Variants in FANCC observed in about 807,000 individuals in gnomAD.
The protein encoded by FANCC is FA complementation group C.
In FANCC, 55 loss-of-function variants were observed where a neutral mutation model predicts 71.3. The observed-to-expected ratio is 0.77, with a 90% confidence interval of 0.62 to 0.97. The LOEUF is 0.97. Ranked by LOEUF, FANCC falls within the 50% of genes least tolerant of loss-of-function variation. FANCC has a pLI of 0.00. For synonymous variants in FANCC, 275 were observed against 244.9 expected, an observed-to-expected ratio of 1.12 and a Z score of -1.15; for missense variants, 678 against 670.9, an observed-to-expected ratio of 1.01 and a Z score of -0.12.
intron 4 of FANCC, among the ~76,000 whole-genome samples, chr9:95,179,345 G>C (rs1300247995): frequency 1.3e-5 from 2 of 152,228 alleles, no homozygotes; most frequent in East Asian, 3.9e-4. Context: ...AATATTTCCA[G>C]GTGATTCATA....
At chr9:95,227,320 C>T (rs1350264217) in intron 4 of FANCC, among the ~76,000 whole-genome samples, 4 of 152,172 alleles carry the variant, frequency 2.6e-5, no homozygotes, top group Admixed American at 2.6e-4. Flanking sequence ...AGGCTCAGTC[C>T]CAGCCAGGTA....
chr9:95,125,977 C>A (rs575946209), intron 9 of FANCC, among the ~76,000 whole-genome samples: 2 of 152,342 alleles, frequency 1.3e-5, no homozygotes, highest in Admixed American at 6.5e-5. Context: ...ATCTCAGCTT[C>A]ATGGCTGTGA....
In FANCC at chr9:95,195,227, T is replaced by G. The variant is rs531453170; in HGVS notation, c.346-23080A>C. ...AAAAAAAAAAAAAAAAAAAACCAAC[T>G]ATGCCTAGTTCCAGAGCCTTTTTTT... On this transcript the variant is annotated intron_variant, in intron 4 of 14. Coordinates refer to ENST00000289081, the MANE Select transcript of FANCC (RefSeq NM_000136.3). 8.2e-5 allele frequency among the ~76,000 whole-genome samples: 11 copies of G among 133,496 alleles called. No homozygotes were observed. The East Asian group carries it at 2.6e-3, about 32-fold the overall frequency. 87.6% of individuals were successfully genotyped at this position (133,496 alleles called of 152,430 possible).
intron 7 of FANCC, among the ~76,000 whole-genome samples, chr9:95,147,177 T>C (rs1439114486): frequency 6.6e-6 from 1 of 152,160 alleles, no homozygotes; most frequent in Non-Finnish European, 1.5e-5. Flanking sequence ...GCTTTAAAAA[T>C]GAGGATTAAA....
chr9:95,252,624 T>C (rs1831418760), intron 1 of FANCC, among the ~76,000 whole-genome samples: 1 of 151,164 alleles, frequency 6.6e-6, no homozygotes, highest in East Asian at 2.0e-4. Flanking sequence ...TGGGCGCCTA[T>C]AGTCCCAGCT....
chr9:95,302,960 T>C (rs560317552), intron 1 of FANCC, among the ~76,000 whole-genome samples: 16 of 152,328 alleles, frequency 1.1e-4, no homozygotes, highest in African/African-American at 3.8e-4. Flanking sequence ...ACCTTGAAGA[T>C]GTCCACTACA....
chr9:95,237,700 T>C (rs1279218827), intron 4 of FANCC, among the ~76,000 whole-genome samples: 1 of 152,234 alleles, frequency 6.6e-6, no homozygotes, highest in Non-Finnish European at 1.5e-5. Flanking sequence ...ATCTACTTTT[T>C]CAACCCTACA....
intron 10 of FANCC, among the ~76,000 whole-genome samples, chr9:95,120,714 C>T (rs993339351): frequency 1.2e-4 from 19 of 152,162 alleles, no homozygotes; most frequent in South Asian, 2.1e-4. Context: ...AGGCATGAGC[C>T]GCCGTGCCCA....
intron 4 of FANCC, among the ~76,000 whole-genome samples, chr9:95,192,310 C>G (rs4647474): frequency 0.023 from 3,490 of 152,244 alleles, 144 homozygotes; most frequent in African/African-American, 0.08. Flanking sequence ...ATTTGAGAGA[C>G]AAGCAAGTCT....
intron 6 of FANCC, among the ~76,000 whole-genome samples, chr9:95,151,630 C>T (rs1395169109): frequency 6.6e-6 from 1 of 152,124 alleles, no homozygotes; most frequent in Non-Finnish European, 1.5e-5. Context: ...TATTTGCATA[C>T]TGAATTGCCT....
chr9:95,262,896 G>T (rs908902083), intron 1 of FANCC, among the ~76,000 whole-genome samples: 2 of 152,164 alleles, frequency 1.3e-5, no homozygotes, highest in African/African-American at 2.4e-5. Context: ...CACAGATGAG[G>T]TACCTACAAT....
At chr9:95,301,205 C>CAA (rs750636424) in intron 1 of FANCC, among the ~76,000 whole-genome samples, 2 of 151,288 alleles carry the variant, frequency 1.3e-5, no homozygotes, top group Non-Finnish European at 2.9e-5. Flanking sequence ...CACACACACA[C>CAA]AAAATTGTTA....
At chr9:95,187,613 T>C (rs1302997071) in intron 4 of FANCC, among the ~76,000 whole-genome samples, 1 of 152,036 alleles carries the variant, frequency 6.6e-6, no homozygotes, top group Non-Finnish European at 1.5e-5. Context: ...AATCTGTTCT[T>C]CCAACAGGAC....
intron 1 of FANCC, among the ~76,000 whole-genome samples, chr9:95,280,689 T>C (rs1267894285): frequency 2.0e-5 from 3 of 152,112 alleles, no homozygotes; most frequent in African/African-American, 7.2e-5. Context: ...AGGAAAAACA[T>C]GCTTTGGGAC....
In FANCC at chr9:95,207,567, C is replaced by T. The variant is rs566520410; in HGVS notation, c.345+33082G>A. ...ACCAACTTTGAACTGTGCTGGCCTC[C>T]AGGAGATGCAACATTGCCCATCTCC... On this transcript the variant is annotated intron_variant, in intron 4 of 14. Coordinates refer to ENST00000289081, the MANE Select transcript of FANCC (RefSeq NM_000136.3). Among the ~76,000 whole-genome samples the T allele has an allele frequency of 1.2e-4, 19 of 152,260 alleles. No individual in the cohort carries two copies. The South Asian group carries it at 3.7e-3, about 30-fold the overall frequency.
intron 4 of FANCC, among the ~76,000 whole-genome samples, chr9:95,237,145 G>A (rs1830364432): frequency 6.6e-6 from 1 of 152,128 alleles, no homozygotes; most frequent in Non-Finnish European, 1.5e-5. Flanking sequence ...TCTTTTTATC[G>A]GTTCATGTTA....
In FANCC at chr9:95,149,914, G is replaced by A; in HGVS notation, c.686+9C>T. ...CGACGCAGGATGACAGGAAACATTTGCCACTTACAGCAAAATGGCCTCGTT... is the reference window on the plus strand; with the variant it reads ...CGACGCAGGATGACAGGAAACATTTACCACTTACAGCAAAATGGCCTCGTT... On this transcript the variant is annotated intron_variant, in intron 7 of 14. Transcript: ENST00000289081. The A allele has an allele frequency of 6.3e-7, 1 of 1,590,780 alleles. No individual in the cohort carries two copies. The highest frequency in any genetic ancestry group is 8.6e-7 in the Non-Finnish European group (1 of 1,168,258).
intron 1 of FANCC, among the ~76,000 whole-genome samples, chr9:95,283,323 G>A (rs1447714950): frequency 6.6e-6 from 1 of 152,224 alleles, no homozygotes; most frequent in African/African-American, 2.4e-5. Flanking sequence ...TGAGACAGGT[G>A]CCAGTGACAG....
At chr9:95,285,946 C>A (rs1490162303) in intron 1 of FANCC, among the ~76,000 whole-genome samples, 2 of 152,136 alleles carry the variant, frequency 1.3e-5, no homozygotes, top group African/African-American at 4.8e-5. Context: ...ATATCTCCAA[C>A]AATAAGCAAT....
Sources: gnomAD v4.1 joint callset for allele counts (sites outside exome capture counted in the v4.1 genomes callset) on GRCh38, gnomAD v4.1.1 for gene constraint, MANE v1.5 for transcripts, NCBI Gene and HGNC (gene_info 2026-07-23, HGNC 2026-07-21) for gene names.